LEMD3: variants seen among roughly 807,000 people sequenced by gnomAD.
LEMD3 encodes LEM domain containing 3.
In LEMD3, 33 loss-of-function variants were observed where a neutral mutation model predicts 95.2. The observed-to-expected ratio is 0.35, with a 90% CI of 0.26 to 0.46. The LOEUF (loss-of-function observed/expected upper bound fraction) is 0.46, where lower values mean the gene tolerates loss of function less well. Among genes scored for constraint, LEMD3 ranks in the 20% least tolerant of loss-of-function variants. The probability of loss-of-function intolerance (pLI) is 1.00; values close to 1 mark genes in which losing one functional copy is unlikely to be tolerated. For synonymous variants in LEMD3, 525 were observed against 474.6 expected, an observed-to-expected ratio of 1.11 and a Z score of -1.38; for missense variants, 1,210 against 1,192.8, an observed-to-expected ratio of 1.01 and a Z score of -0.21.
At chr12:65,223,258 G>A (rs1157370126) in intron 4 of LEMD3, among the ~76,000 whole-genome samples, 2 of 144,460 alleles carry the variant, frequency 1.4e-5, no homozygotes, top group African/African-American at 2.6e-5. Context: ...TGATCCCTTT[G>A]TCATTTATAT....
At chr12:65,237,815 T>C (rs1565798774) in intron 4 of LEMD3, among the ~76,000 whole-genome samples, 1 of 152,232 alleles carries the variant, frequency 6.6e-6, no homozygotes, top group Non-Finnish European at 1.5e-5. Flanking sequence ...AGTTTTTCTT[T>C]AGTTGATAGG....
intron 1 of LEMD3, among the ~76,000 whole-genome samples, chr12:65,199,723 G>A (rs941244318): frequency 1.3e-5 from 2 of 152,038 alleles, no homozygotes; most frequent in Non-Finnish European, 1.5e-5. Flanking sequence ...TAAAGCTGCT[G>A]TAAACATCCA....
chr12:65,211,836 A>G (rs1480400421), intron 2 of LEMD3, among the ~76,000 whole-genome samples: 2 of 152,182 alleles, frequency 1.3e-5, no homozygotes, highest in Admixed American at 6.5e-5. Flanking sequence ...ATAGAAGACT[A>G]TTTTCTTCTG....
chr12:65,183,948 G>A (rs963960672), intron 1 of LEMD3, among the ~76,000 whole-genome samples: 8 of 152,106 alleles, frequency 5.3e-5, no homozygotes, highest in African/African-American at 1.9e-4. Context: ...GGCTCTTTGA[G>A]TCTGTTACAG....
intron 1 of LEMD3, among the ~76,000 whole-genome samples, chr12:65,177,227 G>A (rs918371661): frequency 1.3e-5 from 2 of 152,156 alleles, no homozygotes; most frequent in African/African-American, 4.8e-5. Flanking sequence ...CCTTTAAGAA[G>A]GATAAACAGG....
chr12:65,207,919 T>C (rs1295544441), intron 1 of LEMD3, among the ~76,000 whole-genome samples: 2 of 152,092 alleles, frequency 1.3e-5, no homozygotes, highest in Non-Finnish European at 2.9e-5. Flanking sequence ...AAAAGATCAG[T>C]AAAACTAGTA....
At chr12:65,216,705 A>G (rs1482279615) in intron 3 of LEMD3, among the ~76,000 whole-genome samples, 2 of 152,042 alleles carry the variant, frequency 1.3e-5, no homozygotes, top group East Asian at 1.9e-4. Flanking sequence ...AGAAAAATGC[A>G]GTTTTCAAAC....
At chr12:65,222,583 A>G (rs1870324095) in intron 4 of LEMD3, among the ~76,000 whole-genome samples, 1 of 152,034 alleles carries the variant, frequency 6.6e-6, no homozygotes, top group Admixed American at 6.6e-5. Flanking sequence ...AGGGTTTGTC[A>G]ATTTTGATCT....
intron 1 of LEMD3, among the ~76,000 whole-genome samples, chr12:65,186,382 A>G (rs1230030670): frequency 6.6e-6 from 1 of 152,118 alleles, no homozygotes; most frequent in African/African-American, 2.4e-5. Flanking sequence ...TACAAGGTTG[A>G]ACTTAATACA....
At chr12:65,194,751 A>G (rs904117354) in intron 1 of LEMD3, among the ~76,000 whole-genome samples, 1 of 56,140 alleles carries the variant, frequency 1.8e-5, no homozygotes, top group Non-Finnish European at 3.5e-5. Flanking sequence ...GTGGTCTTTC[A>G]TTAGTTTTAC....
In LEMD3 at chr12:65,169,928, C is replaced by T; in HGVS notation, c.332C>T (p.Ser111Leu). The change falls in exon 1 of 13, where the codon TCG (serine) becomes TTG (leucine). Residue 111 changes from serine (S) to leucine (L), a missense_variant. By Grantham distance (145) the Ser-to-Leu change is moderately radical (BLOSUM62 -2). Transcript: ENST00000308330. ...LRTPGGLCRI[S>L]ASGPESLLGG... The stretch of plus-strand genomic sequence containing the variant: ...ACTCCTGGGGGCCTGTGCCGAATCT[C>T]GGCCTCTGGCCCAGAGAGCCTCCTG... 1 of 1,448,174 alleles carries T rather than the reference C, an allele frequency of 6.9e-7. No individual in the cohort carries two copies. Among genetic ancestry groups the T allele is most frequent in the South Asian group, 1.5e-5 (1 of 67,982 alleles). 89.7% of individuals were successfully genotyped at this position (1,448,174 alleles called of 1,614,324 possible). A position where few individuals can be genotyped will look rare whatever the true frequency, so the allele number is the denominator to read the frequency against.
chr12:65,224,549 G>A (rs1013673736), intron 4 of LEMD3, among the ~76,000 whole-genome samples: 4 of 151,684 alleles, frequency 2.6e-5, no homozygotes, highest in African/African-American at 9.7e-5. Context: ...GTTGGCAGTT[G>A]TTTTCTTTCA....
At position 65,238,939 on chromosome 12, in the gene LEMD3, C is replaced by T. The variant is rs147653395; in HGVS notation, c.1921+125C>T. 205 of 811,432 alleles carry T rather than the reference C, an allele frequency of 2.5e-4. 2 individuals are homozygous for T. In the East Asian group the frequency reaches 5.2e-3, roughly 21 times the overall value. The allele number at this position is 811,432 out of a possible 1,614,324, so 50.3% of individuals were successfully genotyped here. A position where few individuals can be genotyped will look rare whatever the true frequency, so the allele number is the denominator to read the frequency against. ...CACATAAGTCACAGCTAGATGTCTT[C>T]ACTAAATATAATAAAAATAATGTCA... On this transcript the variant is annotated intron_variant, in intron 6 of 12. Coordinates refer to ENST00000308330, the MANE Select transcript of LEMD3 (RefSeq NM_014319.5).
At chr12:65,195,451 T>C (rs183347785) in intron 1 of LEMD3, among the ~76,000 whole-genome samples, 101 of 152,228 alleles carry the variant, frequency 6.6e-4, no homozygotes, top group African/African-American at 2.0e-3. Context: ...TGGCTACGCT[T>C]CTTATTGATG....
chr12:65,175,855 CT>C (rs771161415), intron 1 of LEMD3, among the ~76,000 whole-genome samples: 2 of 152,012 alleles, frequency 1.3e-5, no homozygotes, highest in Non-Finnish European at 2.9e-5. Context: ...TTATATTTAC[CT>C]TGTTTTTGCT....
In LEMD3 at chr12:65,194,597, G is replaced by A. The variant is rs929436969; in HGVS notation, c.1523-16329G>A. Among the ~76,000 whole-genome samples, 6 of 151,842 alleles carry A rather than the reference G, an allele frequency of 4.0e-5. No homozygotes were observed. In the South Asian group the frequency reaches 6.3e-4, roughly 16 times the overall value. Reference sequence around the variant, plus strand: ...CCGAAACATAAAAGCTTGAAAAGACGTATCAAAAGGCTAGTCTTAGGCTCT... The same window carrying A: ...CCGAAACATAAAAGCTTGAAAAGACATATCAAAAGGCTAGTCTTAGGCTCT... On this transcript the variant is annotated intron_variant, in intron 1 of 12. Transcript: ENST00000308330.
chr12:65,174,460 C>T (rs1004442849), intron 1 of LEMD3, among the ~76,000 whole-genome samples: 1 of 152,028 alleles, frequency 6.6e-6, no homozygotes, highest in Admixed American at 6.6e-5. Context: ...CTCGTATGAT[C>T]ATTATTAATT....
intron 1 of LEMD3, among the ~76,000 whole-genome samples, chr12:65,180,914 A>G (rs1375263653): frequency 6.6e-6 from 1 of 151,874 alleles, no homozygotes; most frequent in African/African-American, 2.4e-5. Context: ...TTTAGTAGCA[A>G]ATGGATATTT....
intron 1 of LEMD3, among the ~76,000 whole-genome samples, chr12:65,173,373 C>T (rs1868616345): frequency 6.6e-6 from 1 of 152,158 alleles, no homozygotes; most frequent in African/African-American, 2.4e-5. Context: ...TGGTACTCTT[C>T]ACCTTCACTG....
Sources: allele counts gnomAD v4.1 joint callset (sites outside exome capture counted in the v4.1 genomes callset), GRCh38; gene constraint gnomAD v4.1.1; transcripts MANE v1.5; gene names NCBI Gene and HGNC (gene_info 2026-07-23, HGNC 2026-07-21).